CDC14B: variants seen among roughly 807,000 people sequenced by gnomAD.
CDC14B encodes cell division cycle 14B, also known as dual specificity protein phosphatase CDC14B.
CDC14B carries 22 observed loss-of-function variants against 64.2 expected under a neutral mutation model. The observed-to-expected ratio is 0.34, with a 90% CI of 0.24 to 0.49. The LOEUF (loss-of-function observed/expected upper bound fraction) is 0.49, where lower values mean the gene tolerates loss of function less well. CDC14B is among the 20% of genes least tolerant of loss of function. The probability of loss-of-function intolerance (pLI) is 0.99; values close to 1 mark genes in which losing one functional copy is unlikely to be tolerated. For missense variants in CDC14B, 498 were observed against 629.9 expected (o/e 0.79, Z 2.24); for synonymous variants, 191 against 215.8 (o/e 0.89, Z 1.01).
chr9:96,562,225 C>T (rs1843307043), intron 4 of CDC14B, among the ~76,000 whole-genome samples: 1 of 151,980 alleles, frequency 6.6e-6, no homozygotes, highest in Non-Finnish European at 1.5e-5. Context: ...AAGGAGATGA[C>T]CTTAATTAGG....
At chr9:96,527,693 G>A (rs1435423739) in intron 9 of CDC14B, among the ~76,000 whole-genome samples, 1 of 151,798 alleles carries the variant, frequency 6.6e-6, no homozygotes, top group East Asian at 2.0e-4. Context: ...TCAGCTCACC[G>A]CAAGCTCCAC....
chr9:96,569,241 A>G (rs1844332633), intron 1 of CDC14B, among the ~76,000 whole-genome samples: 1 of 152,236 alleles, frequency 6.6e-6, no homozygotes, highest in African/African-American at 2.4e-5. Flanking sequence ...CTTGATCAAG[A>G]TAGGAAGCAT....
At chr9:96,519,921 A>C (rs1347916125) in intron 12 of CDC14B, among the ~76,000 whole-genome samples, 2 of 152,226 alleles carry the variant, frequency 1.3e-5, no homozygotes, top group Non-Finnish European at 2.9e-5. Context: ...CAATGAGTCA[A>C]ACTTGGATGA....
chr9:96,574,098 G>A (rs997379278), intron 1 of CDC14B, among the ~76,000 whole-genome samples: 1 of 151,178 alleles, frequency 6.6e-6, no homozygotes, highest in African/African-American at 2.4e-5. Flanking sequence ...AGTACGCCGA[G>A]ATCGCACCAC....
intron 3 of CDC14B, among the ~76,000 whole-genome samples, 169 bp downstream of exon 3, chr9:96,564,608 A>G (rs184022028): frequency 1.3e-5 from 2 of 152,326 alleles, no homozygotes; most frequent in East Asian, 3.9e-4. Context: ...ACTCTAGAAA[A>G]CAAATAGATA....
rs1312628964 is a variant in CDC14B at position 96,539,000 on chromosome 9, TTTTA to T, written c.627+74_627+77del. The T allele has an allele frequency of 2.4e-4, 222 of 919,406 alleles. 1 individual carries two copies. In the African/African-American group the frequency reaches 3.4e-3, roughly 14 times the overall value. The allele number at this position is 919,406 out of a possible 1,614,324, so 57.0% of individuals were successfully genotyped here. A position where few individuals can be genotyped will look rare whatever the true frequency, so the allele number is the denominator to read the frequency against. ...TTTGTACATCTTAAGTATATATAAG[TTTTA>T]TTTGTCAATTATTCCCCTCAATAAA... On this transcript the variant is annotated intron_variant, in intron 7 of 13. Transcript: ENST00000375241.
At chr9:96,613,390 T>C (rs1847438410) in intron 1 of CDC14B, among the ~76,000 whole-genome samples, 1 of 152,234 alleles carries the variant, frequency 6.6e-6, no homozygotes, top group African/African-American at 2.4e-5. Flanking sequence ...AATTACAATT[T>C]GCACTGACTG....
chr9:96,551,655 G>T, intron 5 of CDC14B, 141 bp downstream of exon 5: 1 of 1,197,964 alleles, frequency 8.3e-7, no homozygotes, highest in East Asian at 2.7e-5. Context: ...GTGTCACTGT[G>T]GAAAAACCCA....
At position 96,585,946 on chromosome 9, in the gene CDC14B, C is replaced by T. The variant is rs148855240; in HGVS notation, c.161-20463G>A. ...AACAAAGGAATGAAGTACTGATACA[C>T]AAAAGGAGACAGACACAAGAGTTTG... On this transcript the variant is annotated intron_variant, in intron 1 of 13. Coordinates refer to ENST00000375241, the MANE Select transcript of CDC14B (RefSeq NM_033331.4). Among the ~76,000 whole-genome samples the T allele has an allele frequency of 2.9e-3, 438 of 152,240 alleles. 3 individuals carry two copies. Among genetic ancestry groups the T allele is most frequent in the African/African-American group, 0.01 (423 of 41,540 alleles).
chr9:96,598,820 C>A (rs1277546875), intron 1 of CDC14B, among the ~76,000 whole-genome samples: 1 of 152,092 alleles, frequency 6.6e-6, no homozygotes, highest in East Asian at 1.9e-4. Flanking sequence ...TTGAATACAG[C>A]ATTTTAATAC....
At chr9:96,619,103 G>T in intron 1 of CDC14B, 116 bp downstream of exon 1, 1 of 767,232 alleles carries the variant, frequency 1.3e-6, no homozygotes, top group Non-Finnish European at 1.7e-6. Context: ...GGGGGTGGGG[G>T]CGAAGGCATT....
At chr9:96,580,228 C>T (rs938362315) in intron 1 of CDC14B, among the ~76,000 whole-genome samples, 3 of 151,132 alleles carry the variant, frequency 2.0e-5, no homozygotes, top group Admixed American at 6.6e-5. Flanking sequence ...GGGGAGAGTG[C>T]CACTTTTTTT....
rs1482789425 is a variant in CDC14B, at chr9:96,619,812, C to T, written c.-434G>A. ...CAGCAGGACGCGGCTCGTGGGGACC[C>T]CAGGAGGGCTGTTCCGTGGCGCTTC... On this transcript the variant is annotated 5_prime_UTR_variant, in exon 1 of 14. Coordinates refer to ENST00000375241, the MANE Select transcript of CDC14B (RefSeq NM_033331.4). 6.6e-6 allele frequency: 1 copy of T among 151,914 alleles called. No individual in the cohort carries two copies. Among genetic ancestry groups the T allele is most frequent in the Non-Finnish European group, 1.5e-5 (1 of 67,892 alleles). 9.4% of individuals were successfully genotyped at this position (151,914 alleles called of 1,614,324 possible).
At position 96,573,649 on chromosome 9, in the gene CDC14B, AT is replaced by A. The variant is rs368029922; in HGVS notation, c.161-8167del. Among the ~76,000 whole-genome samples the A allele has an allele frequency of 2.3e-3, 351 of 152,360 alleles. 4 individuals carry two copies. Among genetic ancestry groups the A allele is most frequent in the African/African-American group, 8.0e-3 (331 of 41,590 alleles). Reference sequence around the variant, plus strand: ...ATGTAAATTACATGCTAATAAAGGAATTAAATGTAATAAATTTACATGTTAC... The same window carrying A: ...ATGTAAATTACATGCTAATAAAGGAATAAATGTAATAAATTTACATGTTAC... On this transcript the variant is annotated intron_variant, in intron 1 of 13. Coordinates refer to ENST00000375241, the MANE Select transcript of CDC14B (RefSeq NM_033331.4).
chr9:96,538,926 G>T (rs2131819196), intron 7 of CDC14B, 152 bp downstream of exon 7: 1 of 606,102 alleles, frequency 1.6e-6, no homozygotes, highest in East Asian at 3.0e-5. Context: ...ATGTTAATTA[G>T]CTTGATTAGG....
Position 96,540,018 on chromosome 9 carries a change from A to C in CDC14B, c.565-878T>G, listed in dbSNP as rs1438843107. On this transcript the variant is annotated intron_variant, in intron 6 of 13. Transcript: ENST00000375241. The stretch of plus-strand genomic sequence containing the variant: ...GTAAAATAAGAAGGCTAGAATATCA[A>C]CTAAAAAGGTCTTCATTTTATATAG... 3.3e-5 allele frequency among the ~76,000 whole-genome samples: 5 copies of C among 152,378 alleles called. No individual in the cohort carries two copies. The East Asian group carries it at 9.6e-4, about 29-fold the overall frequency.
At chr9:96,564,205 A>C (rs1843610055) in intron 3 of CDC14B, among the ~76,000 whole-genome samples, 1 of 152,208 alleles carries the variant, frequency 6.6e-6, no homozygotes, top group South Asian at 2.1e-4. Context: ...TACATACATG[A>C]ATGTGGTCTA....
At chr9:96,563,574 AG>A (rs1843505090) in intron 3 of CDC14B, among the ~76,000 whole-genome samples, 3 of 149,018 alleles carry the variant, frequency 2.0e-5, no homozygotes, top group South Asian at 4.4e-4. Flanking sequence ...CACTTGAACC[AG>A]GGGGGTGGAG....
chr9:96,493,443 G>GTGT lies in CDC14B; in HGVS notation c.*81-194_*81-192dup, dbSNP rs74278592. Among the ~76,000 whole-genome samples, 472 of 152,372 alleles carry GTGT rather than the reference G, an allele frequency of 3.1e-3. 1 individual carries two copies. Among genetic ancestry groups the GTGT allele is most frequent in the Non-Finnish European group, 4.7e-3 (323 of 68,040 alleles). On this transcript the variant is annotated intron_variant and NMD_transcript_variant, in intron 13 of 13. Transcript: ENST00000474602. The stretch of plus-strand genomic sequence containing the variant: ...CCTGGCTGTGTCCCACAGGGGGCCT[G>GTGT]TGTTGTGGATGGAGGATGAGGTGTG...
Sources: gnomAD v4.1 joint callset for allele counts (sites outside exome capture counted in the v4.1 genomes callset) on GRCh38, gnomAD v4.1.1 for gene constraint, MANE v1.5 for transcripts, NCBI Gene and HGNC (gene_info 2026-07-23, HGNC 2026-07-21) for gene names.